The following KAZN variants were observed in gnomAD, a reference collection of about 807,000 sequenced individuals.
KAZN encodes kazrin.
Under a neutral mutation model 87.4 loss-of-function variants are expected in KAZN, and 40 were observed. The observed-to-expected ratio is 0.46, with a 90% confidence interval of 0.36 to 0.60. The LOEUF (loss-of-function observed/expected upper bound fraction) is 0.60, where lower values mean the gene tolerates loss of function less well. Among genes scored for constraint, KAZN ranks in the 20% least tolerant of loss-of-function variants. The probability of loss-of-function intolerance (pLI) is 0.00; values close to 1 mark genes in which losing one functional copy is unlikely to be tolerated. For synonymous variants in KAZN, 466 were observed against 458.3 expected (o/e 1.02, Z -0.22); for missense variants, 898 against 1,073.9 (o/e 0.84, Z 2.29).
At chr1:14,634,658 A>G (rs1679830318) in intron 1 of KAZN, among the ~76,000 whole-genome samples, 1 of 152,150 alleles carries the variant, frequency 6.6e-6, no homozygotes, top group Non-Finnish European at 1.5e-5. Flanking sequence ...TGGCTCCTGG[A>G]CAGGCTGGCT....
intron 1 of KAZN, among the ~76,000 whole-genome samples, chr1:14,775,661 C>T (rs1196089299): frequency 6.6e-6 from 1 of 152,236 alleles, no homozygotes; most frequent in Non-Finnish European, 1.5e-5. Flanking sequence ...CCTCAACGTG[C>T]GCCATGCTGC....
At chr1:14,874,949 C>A (rs1483838599) in intron 1 of KAZN, among the ~76,000 whole-genome samples, 2 of 152,114 alleles carry the variant, frequency 1.3e-5, no homozygotes, top group Non-Finnish European at 2.9e-5. Flanking sequence ...TCTGGAAGAG[C>A]AGATTTGCGC....
intron 1 of KAZN, among the ~76,000 whole-genome samples, chr1:14,113,013 C>T (rs1031048866): frequency 6.6e-6 from 1 of 152,216 alleles, no homozygotes; most frequent in Non-Finnish European, 1.5e-5. Flanking sequence ...TCTAAAGTGA[C>T]ACATCATTCC....
chr1:14,758,257 C>T (rs1644631185), intron 1 of KAZN, among the ~76,000 whole-genome samples: 1 of 152,032 alleles, frequency 6.6e-6, no homozygotes, highest in Non-Finnish European at 1.5e-5. Context: ...CCTCAACCTC[C>T]TGGGCTCAAG....
rs59475495 is a variant in KAZN at position 14,291,595 on chromosome 1, C to T, written c.249+111003C>T. On this transcript the variant is annotated intron_variant, in intron 2 of 16. Transcript: ENST00000636203. ...ATTTTCTAGATACAGTCTGTCATGG[C>T]TTCTCTTGGCTAGGAAAGGGAAATC... Among the ~76,000 whole-genome samples, 571 of 152,304 alleles carry T rather than the reference C, an allele frequency of 3.7e-3. 5 individuals are homozygous for T. The highest frequency in any genetic ancestry group is 0.013 in the African/African-American group (542 of 41,570).
In KAZN at chr1:15,021,385, G is replaced by C. The variant is rs1452713509; in HGVS notation, c.419-13364G>C. 6.6e-6 allele frequency among the ~76,000 whole-genome samples: 1 copy of C among 152,100 alleles called. No individual in the cohort carries two copies. Among genetic ancestry groups the C allele is most frequent in the Non-Finnish European group, 1.5e-5 (1 of 68,002 alleles). Reference sequence around the variant, plus strand: ...TCAACCTAGGGAATGTCCGTGTTCCGGGCCCATTCCCTGCCACTATTTTTA... The same window carrying C: ...TCAACCTAGGGAATGTCCGTGTTCCCGGCCCATTCCCTGCCACTATTTTTA... On this transcript the variant is annotated intron_variant, in intron 2 of 14. Transcript: ENST00000376030. The surrounding 1 kb of genome is among the most constrained non-coding windows in gnomAD (Gnocchi z 4.2).
chr1:14,857,093 G>A (rs1011519343), intron 1 of KAZN, among the ~76,000 whole-genome samples: 5 of 152,298 alleles, frequency 3.3e-5, no homozygotes, highest in Admixed American at 6.5e-5. Flanking sequence ...CTTTGGACTC[G>A]GCGTCAGGTT....
At chr1:13,913,161 T>C (rs1046947199) in intron 1 of KAZN, among the ~76,000 whole-genome samples, 1 of 152,126 alleles carries the variant, frequency 6.6e-6, no homozygotes, top group Non-Finnish European at 1.5e-5. Flanking sequence ...CAAGGTGTTC[T>C]AGGGCATACA....
chr1:14,384,910 C>T (rs1163420453), intron 2 of KAZN, among the ~76,000 whole-genome samples: 34 of 151,562 alleles, frequency 2.2e-4, no homozygotes, highest in African/African-American at 7.8e-4. Context: ...CCTCCTTGTA[C>T]CTCTGGTAGA....
At chr1:14,624,586 T>TA (rs201583743) in intron 1 of KAZN, among the ~76,000 whole-genome samples, 8 of 149,466 alleles carry the variant, frequency 5.4e-5, no homozygotes, top group African/African-American at 7.3e-5. Context: ...TTTATCATCA[T>TA]AAAAAAAAAA....
intron 1 of KAZN, among the ~76,000 whole-genome samples, chr1:14,695,259 A>T (rs1386573440): frequency 6.6e-6 from 1 of 152,122 alleles, no homozygotes; most frequent in Admixed American, 6.5e-5. Flanking sequence ...CTGCTACAAC[A>T]TGGCCCTGGG....
intron 1 of KAZN, among the ~76,000 whole-genome samples, chr1:13,974,448 T>C (rs1305996042): frequency 3.9e-5 from 6 of 152,318 alleles, no homozygotes; most frequent in Admixed American, 2.6e-4. Flanking sequence ...GACAAGGGTC[T>C]TTGCAGATGT....
chr1:14,947,062 T>C (rs189390367), intron 1 of KAZN, among the ~76,000 whole-genome samples: 5 of 152,132 alleles, frequency 3.3e-5, no homozygotes, highest in Non-Finnish European at 5.9e-5. Flanking sequence ...ACTGAGACAC[T>C]GGGTGTTATG....
chr1:14,550,454 G>T (rs893335798), intron 2 of KAZN, among the ~76,000 whole-genome samples: 1 of 152,070 alleles, frequency 6.6e-6, no homozygotes, highest in Non-Finnish European at 1.5e-5. Context: ...ATGCAGGCTG[G>T]AAAAATATTG....
intron 2 of KAZN, among the ~76,000 whole-genome samples, chr1:14,420,045 TAC>T (rs1486041007): frequency 4.6e-5 from 7 of 152,214 alleles, no homozygotes; most frequent in African/African-American, 1.7e-4. Context: ...TGGTCCATTT[TAC>T]AGAGAGCTGA....
chr1:14,669,711 C>T (rs1320534977), intron 1 of KAZN, among the ~76,000 whole-genome samples: 1 of 152,172 alleles, frequency 6.6e-6, no homozygotes, highest in East Asian at 1.9e-4. Flanking sequence ...CGTGTCATTG[C>T]ATTCCAGCCT....
chr1:13,972,367 G>C (rs565891239), intron 1 of KAZN, among the ~76,000 whole-genome samples: 4 of 149,046 alleles, frequency 2.7e-5, no homozygotes, highest in Non-Finnish European at 5.9e-5. Flanking sequence ...TCTGCCTCCC[G>C]AATGCCACCC....
chr1:14,106,727 C>T (rs746773520), intron 1 of KAZN, among the ~76,000 whole-genome samples: 1 of 152,182 alleles, frequency 6.6e-6, no homozygotes, highest in South Asian at 2.1e-4. Context: ...TTAGCCCAAA[C>T]GCGTCTCTAT....
intron 1 of KAZN, among the ~76,000 whole-genome samples, chr1:14,757,142 C>A (rs1460951282): frequency 2.0e-5 from 3 of 152,242 alleles, no homozygotes; most frequent in Admixed American, 2.0e-4. Context: ...ACAACTTAAA[C>A]ATCACCTAGC....
Sources: gnomAD v4.1 joint callset for allele counts (sites outside exome capture counted in the v4.1 genomes callset) on GRCh38, gnomAD v4.1.1 for gene constraint, Gnocchi (gnomAD v3.1) non-coding constraint, MANE v1.5 for transcripts, NCBI Gene and HGNC (gene_info 2026-07-23, HGNC 2026-07-21) for gene names.